The following VPS13D variants were observed in gnomAD, a reference collection of about 807,000 sequenced individuals.
VPS13D encodes the protein vacuolar protein sorting 13 homolog D, also known as intermembrane lipid transfer protein VPS13D.
VPS13D carries 187 observed loss-of-function variants against 461.9 expected under a neutral mutation model. The ratio of observed to expected loss-of-function variants is 0.40; its 90% CI spans 0.36 to 0.46. The LOEUF (loss-of-function observed/expected upper bound fraction) is 0.46, where lower values mean the gene tolerates loss of function less well. Among genes scored for constraint, VPS13D ranks in the 20% least tolerant of loss-of-function variants. VPS13D has a pLI of 0.60. For synonymous variants in VPS13D, 1,951 were observed against 1,986.3 expected, an observed-to-expected ratio of 0.98 and a Z score of 0.47; for missense variants, 4,711 against 5,364.9, an observed-to-expected ratio of 0.88 and a Z score of 3.81.
At chr1:12,375,918 G>C (rs2101637275) in intron 55 of VPS13D, among the ~76,000 whole-genome samples, 1 of 152,092 alleles carries the variant, frequency 6.6e-6, no homozygotes, top group East Asian at 1.9e-4. Context: ...AAAGATTTTA[G>C]AACTAAATTA....
chr1:12,360,374 T>C (rs1643930910), intron 50 of VPS13D, among the ~76,000 whole-genome samples: 1 of 152,188 alleles, frequency 6.6e-6, no homozygotes, highest in African/African-American at 2.4e-5. Flanking sequence ...AGGGACAGGC[T>C]TGCCAGGTAG....
At chr1:12,392,919 T>C (rs1419595860) in intron 60 of VPS13D, among the ~76,000 whole-genome samples, 1 of 152,210 alleles carries the variant, frequency 6.6e-6, no homozygotes, top group Non-Finnish European at 1.5e-5. Flanking sequence ...TGGCAGCCTT[T>C]CGGGTCACTT....
chr1:12,390,360 G>T (rs2101662134), intron 60 of VPS13D, among the ~76,000 whole-genome samples: 1 of 152,230 alleles, frequency 6.6e-6, no homozygotes, highest in East Asian at 1.9e-4. Flanking sequence ...ATTTCAAAAG[G>T]CCATTTCACC....
In VPS13D at chr1:12,276,187, G is replaced by A. The variant is rs750829503; in HGVS notation, c.2599G>A (p.Asp867Asn). The change falls in exon 19 of 70, where the codon GAT becomes AAT. Residue 867 changes from aspartate (D) to asparagine (N), a missense_variant. Physicochemically the swap from Asp to Asn is conservative, Grantham distance 23 (BLOSUM62 1). Around this residue, in one of 3 missense-constraint regions of VPS13D, gnomAD observed 4,411 missense variants for 4,937.8 expected, o/e 0.89. Transcript: ENST00000620676. The surrounding 1 kb of genome is among the most constrained non-coding windows in gnomAD (Gnocchi z 4.5). ...QLERRLIYTS[D>N]PKYPGAVLSG... ...AGAGCGTCGATTGATTTATACTTCA[G>A]ATCCCAAATATCCAGGAGCCGTGCT... The A allele has an allele frequency of 5.6e-6, 9 of 1,614,128 alleles. No homozygotes were observed. The highest frequency in any genetic ancestry group is 7.6e-6 in the Non-Finnish European group (9 of 1,180,034).
At chr1:12,301,069 G>A (rs183054316) in intron 25 of VPS13D, among the ~76,000 whole-genome samples, 690 of 152,268 alleles carry the variant, frequency 4.5e-3, no homozygotes, top group African/African-American at 0.016. Flanking sequence ...AAAAACTGCC[G>A]AAAATAGCAA....
intron 25 of VPS13D, among the ~76,000 whole-genome samples, chr1:12,301,047 A>G (rs1223546417): frequency 6.6e-6 from 1 of 152,206 alleles, no homozygotes; most frequent in East Asian, 1.9e-4. Context: ...GTAAGATTTG[A>G]TTGTAAGATT....
At chr1:12,239,715 G>A (rs1294110867) in intron 2 of VPS13D, among the ~76,000 whole-genome samples, 2 of 152,162 alleles carry the variant, frequency 1.3e-5, no homozygotes, top group South Asian at 2.1e-4. Context: ...GGAGCAGCGG[G>A]AAGAGAGTTC....
At chr1:12,369,389 C>G in intron 53 of VPS13D, 78 bp from the exon 54 acceptor site, 3 of 1,317,140 alleles carry the variant, frequency 2.3e-6, no homozygotes, top group Non-Finnish European at 3.2e-6. Context: ...GGAACTTAAA[C>G]CTACAAAGCA....
At chr1:12,497,285 C>T in intron 67 of VPS13D, 1 of 409,502 alleles carries the variant, frequency 2.4e-6, no homozygotes, top group South Asian at 4.2e-5. Flanking sequence ...TCCATGATCA[C>T]ATGGCCAGAA....
At chr1:12,335,342 C>A (rs574260236) in intron 38 of VPS13D, among the ~76,000 whole-genome samples, 49 of 152,250 alleles carry the variant, frequency 3.2e-4, no homozygotes, top group African/African-American at 1.2e-3. Flanking sequence ...GCTGAGATTA[C>A]AGGCGTGAGC....
chr1:12,377,578 G>A (rs985251599), intron 55 of VPS13D, among the ~76,000 whole-genome samples: 3 of 151,786 alleles, frequency 2.0e-5, no homozygotes, highest in Non-Finnish European at 4.4e-5. Flanking sequence ...CCAGCACTTT[G>A]GGAGGCCGAG....
chr1:12,494,806 C>T (rs1645934497), intron 67 of VPS13D, among the ~76,000 whole-genome samples: 1 of 152,216 alleles, frequency 6.6e-6, no homozygotes, highest in South Asian at 2.1e-4. Flanking sequence ...CTAGCTGCTT[C>T]ATATTTTGCC....
rs1218284819 is a variant in VPS13D, at chr1:12,291,088, C to G, written c.5816C>G (p.Thr1939Ser). Residue 1939 changes from threonine (T) to serine (S), a missense_variant, in exon 23 of 70, where the codon ACC becomes AGC. By Grantham distance (58) the Thr-to-Ser change is moderately conservative. Coordinates refer to ENST00000620676, the MANE Select transcript of VPS13D (RefSeq NM_015378.4). ...GAGTTCTACAGAGAACGGTTCACTA[C>G]CAGTGGTGAAGAAGCACTCATCTTC... ...HGEFYRERFTTSGEEALIFQT... is the reference protein window; with the variant it reads ...HGEFYRERFTSSGEEALIFQT... 6 of 1,613,630 alleles carry G rather than the reference C, an allele frequency of 3.7e-6. No individual in the cohort carries two copies. Among genetic ancestry groups the G allele is most frequent in the East Asian group, 2.2e-5 (1 of 44,870 alleles).
chr1:12,340,344 C>G (rs2101573367), intron 40 of VPS13D, among the ~76,000 whole-genome samples: 1 of 152,292 alleles, frequency 6.6e-6, no homozygotes, highest in Admixed American at 6.5e-5. Context: ...ATTTGTTTAG[C>G]AGATTACTAT....
intron 47 of VPS13D, among the ~76,000 whole-genome samples, chr1:12,355,324 A>C (rs939668810): frequency 6.6e-6 from 1 of 152,244 alleles, no homozygotes; most frequent in African/African-American, 2.4e-5. Flanking sequence ...ATGAAGTCAA[A>C]GTAGAGAATC....
intron 13 of VPS13D, among the ~76,000 whole-genome samples, chr1:12,265,609 A>C (rs529834344): frequency 3.3e-5 from 5 of 152,230 alleles, no homozygotes; most frequent in Admixed American, 6.5e-5. Context: ...TATCAGCATT[A>C]ACAGGAGTTT....
chr1:12,456,635 TCAAAAAAA>T (rs1645332254), intron 66 of VPS13D, among the ~76,000 whole-genome samples: 1 of 53,832 alleles, frequency 1.9e-5, no homozygotes, highest in African/African-American at 1.0e-4. Context: ...AGACTCCAAT[TCAAAAAAA>T]AAAAAAAAAA....
rs75464498 is a variant in VPS13D, at chr1:12,420,251, T to G, written c.12333+3424T>G. On this transcript the variant is annotated intron_variant, in intron 65 of 69. Coordinates refer to ENST00000620676, the MANE Select transcript of VPS13D (RefSeq NM_015378.4). Reference sequence around the variant, plus strand: ...GGTTGGACTAAAGATGTGCATTTTCTTGTAGTTTTGTGGGTTGAAATCAAC... The same window carrying G: ...GGTTGGACTAAAGATGTGCATTTTCGTGTAGTTTTGTGGGTTGAAATCAAC... 7.6e-3 allele frequency among the ~76,000 whole-genome samples: 1,156 copies of G among 152,372 alleles called. 13 individuals carry two copies. The highest frequency in any genetic ancestry group is 0.025 in the African/African-American group (1,060 of 41,584).
At chr1:12,493,939 G>GTGA (rs1387263107) in intron 67 of VPS13D, among the ~76,000 whole-genome samples, 1 of 152,222 alleles carries the variant, frequency 6.6e-6, no homozygotes, top group Non-Finnish European at 1.5e-5. Context: ...CATTGATGAG[G>GTGA]TGATACAGGA....
Sources: gnomAD v4.1 joint callset for allele counts (sites outside exome capture counted in the v4.1 genomes callset) on GRCh38, gnomAD v4.1.1 for gene constraint, gnomAD v4.1.1 regional missense constraint, Gnocchi (gnomAD v3.1) non-coding constraint, MANE v1.5 for transcripts, NCBI Gene and HGNC (gene_info 2026-07-23, HGNC 2026-07-21) for gene names.